Variants in PKD1L1 observed in about 807,000 individuals in gnomAD.
PKD1L1 encodes polycystin-1-like protein 1.
A neutral mutation model predicts 323.4 loss-of-function variants in PKD1L1; 236 were observed. The observed-to-expected ratio is 0.73, with a 90% CI of 0.66 to 0.81. The LOEUF (loss-of-function observed/expected upper bound fraction) is 0.81, where lower values mean the gene tolerates loss of function less well. PKD1L1 is among the 40% of genes least tolerant of loss of function. The pLI is 0.00. For synonymous variants in PKD1L1, 1,344 were observed against 1,335.0 expected (o/e 1.01, Z -0.15); for missense variants, 3,320 against 3,508.0 (o/e 0.95, Z 1.35).
chr7:47,813,499 G>C (rs1357512218), intron 48 of PKD1L1: 1 of 715,574 alleles, frequency 1.4e-6, no homozygotes, highest in Admixed American at 2.0e-5. Flanking sequence ...ACCCACAGAA[G>C]GTTGGCATCT....
intron 56 of PKD1L1, 117 bp downstream of exon 56, chr7:47,792,507 TATC>T: frequency 1.0e-6 from 1 of 990,212 alleles, no homozygotes; most frequent in Non-Finnish European, 1.5e-6. Context: ...AGCAGTATGA[TATC>T]TAAAGAATAT....
intron 22 of PKD1L1, among the ~76,000 whole-genome samples, chr7:47,876,848 C>T (rs1486833702): frequency 2.6e-5 from 4 of 152,074 alleles, no homozygotes; most frequent in Admixed American, 6.6e-5. Flanking sequence ...GGCGCGATCT[C>T]GGCTCACTGC....
upstream of PKD1L1, among the ~76,000 whole-genome samples, chr7:47,949,960 A>T (rs1268358055): frequency 6.6e-6 from 1 of 152,164 alleles, no homozygotes; most frequent in Non-Finnish European, 1.5e-5. Flanking sequence ...CTCTTCTCAC[A>T]CTGCCTTGTC....
At chr7:47,943,730 G>C (rs1445327937) in intron 1 of PKD1L1, among the ~76,000 whole-genome samples, 1 of 152,138 alleles carries the variant, frequency 6.6e-6, no homozygotes, top group Non-Finnish European at 1.5e-5. Context: ...CTGAAATATA[G>C]TTCCCATCTG....
intron 20 of PKD1L1, 97 bp from the exon 21 acceptor site, chr7:47,880,902 G>A: frequency 1.1e-6 from 1 of 887,026 alleles, no homozygotes; most frequent in South Asian, 1.8e-5. Context: ...TCTTCCCCCA[G>A]GGGTGAAATT....
rs1018797414 is a variant in PKD1L1 at position 47,821,123 on chromosome 7, G to A, written c.6918C>T (p.Ser2306=). 1.2e-6 allele frequency: 2 copies of A among 1,610,156 alleles called. No homozygotes were observed. Among genetic ancestry groups the A allele is most frequent in the Non-Finnish European group, 1.7e-6 (2 of 1,176,604 alleles). The change falls in exon 46 of 57, where the codon TCC becomes TCT. Residue 2306 remains serine (S), a synonymous_variant. Transcript: ENST00000289672. ...CTTGATTGAGGGAGTATTCATCTTG[G>A]GAAAATCTCCCATATATTACACACA... ...LLLCVIYGRF[S]QDEYSLNQAI... is the part of the protein sequence containing the mutation.
rs996716828 is a variant in PKD1L1, at chr7:47,775,078, A to G, written c.*65T>C. 2.2e-5 allele frequency: 35 copies of G among 1,560,858 alleles called. No individual in the cohort carries two copies. The highest frequency in any genetic ancestry group is 3.1e-5 in the Non-Finnish European group (35 of 1,141,732). The stretch of plus-strand genomic sequence containing the variant: ...ACCTGCAAAACTAGGATGTCTGCTA[A>G]AATTGGCTGTTGGGTGGGTTAAGCA... On this transcript the variant is annotated 3_prime_UTR_variant, in exon 57 of 57. Coordinates refer to ENST00000289672, the MANE Select transcript of PKD1L1 (RefSeq NM_138295.5).
chr7:47,936,242 A>G lies in PKD1L1; in HGVS notation c.398+604T>C, dbSNP rs1787865031. ...GTTCAGTGGTGTTAAGTGTATGCAC[A>G]TGTATATGGTTGTGCAGTACATTTT... is the stretch of plus-strand genomic sequence containing the variant. On this transcript the variant is annotated intron_variant, in intron 4 of 56. Coordinates refer to ENST00000289672, the MANE Select transcript of PKD1L1 (RefSeq NM_138295.5). Among the ~76,000 whole-genome samples, 4 of 152,310 alleles carry G rather than the reference A, an allele frequency of 2.6e-5. No individual in the cohort carries two copies. The South Asian group carries it at 8.3e-4, about 32-fold the overall frequency.
At chr7:47,788,098 C>A (rs1012218226) in intron 56 of PKD1L1, among the ~76,000 whole-genome samples, 1 of 151,872 alleles carries the variant, frequency 6.6e-6, no homozygotes, top group African/African-American at 2.4e-5. Flanking sequence ...ATAATACTGA[C>A]ATTTAACTTG....
chr7:47,813,100 G>C (rs757632833), intron 49 of PKD1L1, 21 bp downstream of exon 49: 2 of 1,604,170 alleles, frequency 1.2e-6, no homozygotes, highest in Non-Finnish European at 1.7e-6. Flanking sequence ...GATGAGCCCC[G>C]GCCCTTCGAA....
chr7:47,832,242 G>A (rs1785361929), intron 41 of PKD1L1, among the ~76,000 whole-genome samples: 1 of 152,180 alleles, frequency 6.6e-6, no homozygotes, highest in Admixed American at 6.5e-5. Context: ...ATCGGTGGCT[G>A]GTCTGCCAGT....
chr7:47,886,029 CA>C lies in PKD1L1; in HGVS notation c.2861del (p.Leu954ArgfsTer16), dbSNP rs1786677041. ...TGGCACCGAGTCCCAGCGAGCCAAG[CA>C]GCCCCACTACTCTGCAGAAGGGAAC... ...IEVPFCRVVG[L>X]LGSLGLGAIS... On this transcript the variant is annotated frameshift_variant, in exon 18 of 57. Transcript: ENST00000289672. LOFTEE classifies it high-confidence loss of function. 6.2e-7 allele frequency: 1 copy of C among 1,613,954 alleles called. No individual in the cohort carries two copies. Among genetic ancestry groups the C allele is most frequent in the African/African-American group, 1.3e-5 (1 of 75,052 alleles).
intron 56 of PKD1L1, among the ~76,000 whole-genome samples, chr7:47,789,218 C>T (rs1786883581): frequency 6.6e-6 from 1 of 152,196 alleles, no homozygotes; most frequent in Admixed American, 6.5e-5. Flanking sequence ...GTGAAACCAT[C>T]TGGGACTGGT....
In PKD1L1 at chr7:47,885,851, T is replaced by C. The variant is rs1221731088; in HGVS notation, c.3040A>G (p.Thr1014Ala). ...APRGTPTEPM[T>A]GVYWIPPAGD... ...GCAGGAGGAATCCAGTAGACTCCAG[T>C]CATGGGCTCTGTGGGGGTTCCCCTT... The change falls in exon 18 of 57, where the codon ACT becomes GCT. Residue 1014 changes from threonine (T) to alanine (A), a missense_variant. Coordinates refer to ENST00000289672, the MANE Select transcript of PKD1L1 (RefSeq NM_138295.5). The C allele has an allele frequency of 1.2e-6, 2 of 1,614,026 alleles. No homozygotes were observed. The highest frequency in any genetic ancestry group is 1.7e-5 in the Admixed American group (1 of 60,008).
chr7:47,825,986 G>T (rs929143470), intron 45 of PKD1L1, among the ~76,000 whole-genome samples: 11 of 152,030 alleles, frequency 7.2e-5, no homozygotes, highest in Non-Finnish European at 1.6e-4. Flanking sequence ...ACCCCAGAGG[G>T]CTACGTCCTG....
rs1376872400 is a variant in PKD1L1 at position 47,886,022 on chromosome 7, A to G, written c.2869T>C (p.Ser957Pro). The part of the protein sequence containing the change: ...PFCRVVGLLG[S>P]LGLGAISESS... ...TCTGAAATGGCACCGAGTCCCAGCG[A>G]GCCAAGCAGCCCCACTACTCTGCAG... Residue 957 changes from serine to proline, a missense_variant, in exon 18 of 57, where the codon TCG (serine) becomes CCG (proline). Physicochemically the swap from Ser to Pro is moderately conservative, Grantham distance 74. Transcript: ENST00000289672. 6.2e-7 allele frequency: 1 copy of G among 1,614,098 alleles called. No individual in the cohort carries two copies. Among genetic ancestry groups the G allele is most frequent in the Non-Finnish European group, 8.5e-7 (1 of 1,179,972 alleles).
intron 37 of PKD1L1, among the ~76,000 whole-genome samples, chr7:47,835,934 GAATCATGGCTAC>G (rs1490114372): frequency 6.6e-6 from 1 of 152,146 alleles, no homozygotes; most frequent in Non-Finnish European, 1.5e-5. Flanking sequence ...TCCATGGATG[GAATCATGGCTAC>G]AATCCAGCAA....
intron 2 of PKD1L1, among the ~76,000 whole-genome samples, chr7:47,942,259 T>C (rs1788002760): frequency 6.6e-6 from 1 of 152,202 alleles, no homozygotes; most frequent in Non-Finnish European, 1.5e-5. Context: ...CTTTCTTCCC[T>C]GGCAATCCTC....
intron 54 of PKD1L1, among the ~76,000 whole-genome samples, chr7:47,796,970 A>C (rs1784554130): frequency 6.7e-6 from 1 of 148,236 alleles, no homozygotes; most frequent in Admixed American, 6.8e-5. Context: ...ACTGCACTCC[A>C]GCCTGGGCGA....
Sources: gnomAD v4.1 joint callset for allele counts (sites outside exome capture counted in the v4.1 genomes callset) on GRCh38, gnomAD v4.1.1 for gene constraint, MANE v1.5 for transcripts, NCBI Gene and HGNC (gene_info 2026-07-23, HGNC 2026-07-21) for gene names.